ING5: variants seen among roughly 807,000 people sequenced by gnomAD.
The protein encoded by ING5 is inhibitor of growth protein 5.
In ING5, 17 loss-of-function variants were observed where a neutral mutation model predicts 37.4. The observed-to-expected ratio is 0.45, with a 90% confidence interval of 0.31 to 0.68. The LOEUF is 0.68. Ranked by LOEUF, ING5 falls within the 30% of genes least tolerant of loss-of-function variation. The pLI, the probability that ING5 is intolerant of heterozygous loss-of-function variation, is 0.05. For missense variants in ING5, 233 were observed against 311.9 expected, an observed-to-expected ratio of 0.75 and a Z score of 1.91; for synonymous variants, 123 against 116.6, an observed-to-expected ratio of 1.06 and a Z score of -0.36.
At chr2:241,713,822 C>G (rs1192160555) in intron 5 of ING5, among the ~76,000 whole-genome samples, 1 of 151,986 alleles carries the variant, frequency 6.6e-6, no homozygotes, top group Non-Finnish European at 1.5e-5. Context: ...AACCCCGTCT[C>G]TACCAAAAAT....
intron 7 of ING5, chr2:241,724,026 A>C (rs916411558): frequency 1.4e-6 from 2 of 1,391,896 alleles, no homozygotes; most frequent in Non-Finnish European, 1.9e-6. Context: ...ATAAATAAAA[A>C]GATAAAAACC....
exon 2 of ING5, chr2:241,690,055 C>G (rs2069526944): frequency 6.6e-6 from 1 of 152,132 alleles, no homozygotes; most frequent in South Asian, 2.1e-4. Context: ...CAGGCTGATG[C>G]AGAGGGACAC....
chr2:241,699,209 G>T (rs973483296), upstream of ING5, among the ~76,000 whole-genome samples: 16 of 150,300 alleles, frequency 1.1e-4, no homozygotes, highest in Admixed American at 7.4e-4. Flanking sequence ...ATTTTTAGTA[G>T]AGACTGGGTT....
In ING5 at chr2:241,709,289, CGT is replaced by C. The variant is rs2070029419; in HGVS notation, c.185_186del (p.Val62GlyfsTer18). ...TVKTLSPDQR[V>X]ERLQKIQNAY... Reference sequence around the variant, plus strand: ...TGAAGACGCTGTCTCCAGACCAGCGCGTGGAGCGCCTGCAGAAGATCCAGAAC... The same window carrying C: ...TGAAGACGCTGTCTCCAGACCAGCGCGGAGCGCCTGCAGAAGATCCAGAAC... On this transcript the variant is annotated frameshift_variant, in exon 3 of 8. Transcript: ENST00000313552. LOFTEE classifies it high-confidence loss of function. The C allele has an allele frequency of 6.2e-7, 1 of 1,614,108 alleles. No homozygotes were observed. The highest frequency in any genetic ancestry group is 8.5e-7 in the Non-Finnish European group (1 of 1,180,008).
chr2:241,689,023 G>A lies in ING5; in HGVS notation c.-773-815G>A, dbSNP rs565767468. Among the ~76,000 whole-genome samples, 98 of 152,068 alleles carry A rather than the reference G, an allele frequency of 6.4e-4. 1 individual carries two copies. The highest frequency in any genetic ancestry group is 2.0e-3 in the African/African-American group (85 of 41,470). ...TCACCGTGTTAGCCAGGATGGTCTC[G>A]ATCTCCTGACCTCATGATCCGCCCA... On this transcript the variant is annotated intron_variant, in intron 1 of 7. Transcript: ENST00000636051.
chr2:241,700,589 G>A (rs550797861), upstream of ING5, among the ~76,000 whole-genome samples: 1 of 152,070 alleles, frequency 6.6e-6, no homozygotes, highest in East Asian at 1.9e-4. Context: ...CCGAGTATCT[G>A]GGATTACAGG....
At chr2:241,708,289 G>A (rs2069988178) in intron 2 of ING5, among the ~76,000 whole-genome samples, 1 of 149,352 alleles carries the variant, frequency 6.7e-6, no homozygotes, top group South Asian at 2.1e-4. Flanking sequence ...CTTTCTTCAA[G>A]CCCCGCCTCC....
At chr2:241,699,249 T>C (rs2069678676), upstream of ING5, among the ~76,000 whole-genome samples, 1 of 151,684 alleles carries the variant, frequency 6.6e-6, no homozygotes, top group Non-Finnish European at 1.5e-5. Context: ...GGTCTCAAAC[T>C]CCTGACCTCA....
At chr2:241,724,084 C>G in intron 7 of ING5, 1 of 1,348,550 alleles carries the variant, frequency 7.4e-7, no homozygotes. Flanking sequence ...TATCTATGTT[C>G]TGAAAATGAA....
chr2:241,691,997 A>G (rs775666133), intron 2 of ING5, among the ~76,000 whole-genome samples: 9 of 152,090 alleles, frequency 5.9e-5, no homozygotes, highest in Admixed American at 1.3e-4. Flanking sequence ...GCAGTGAGCC[A>G]TGGTTGCGCC....
intron 5 of ING5, chr2:241,720,736 T>G: frequency 1.0e-6 from 1 of 985,470 alleles, no homozygotes; most frequent in Non-Finnish European, 1.2e-6. Context: ...GGGTGCCTCT[T>G]GTGGCAGTGG....
chr2:241,721,765 A>G, intron 5 of ING5: 5 of 985,456 alleles, frequency 5.1e-6, no homozygotes, highest in Non-Finnish European at 6.0e-6. Flanking sequence ...TTGTAAGTTT[A>G]TTTGAAAAAT....
At chr2:241,691,006 A>C (rs530304089) in intron 2 of ING5, among the ~76,000 whole-genome samples, 9 of 151,184 alleles carry the variant, frequency 6.0e-5, no homozygotes, top group Admixed American at 2.6e-4. Flanking sequence ...ACAGGATTTC[A>C]CCATGTTGGC....
intron 3 of ING5, 33 bp from the exon 4 acceptor site, chr2:241,711,344 C>CT: frequency 7.0e-7 from 1 of 1,436,072 alleles, no homozygotes; most frequent in Non-Finnish European, 9.2e-7. Context: ...TTTGGTTTTA[C>CT]TTTAAAATAA....
intron 5 of ING5, among the ~76,000 whole-genome samples, chr2:241,713,422 G>A (rs2070179624): frequency 7.0e-6 from 1 of 142,930 alleles, no homozygotes; most frequent in African/African-American, 2.6e-5. Context: ...TCAGGCTGGA[G>A]TGTGGTGGCG....
intron 2 of ING5, 128 bp from the exon 3 acceptor site, chr2:241,709,088 C>A: frequency 1.0e-6 from 1 of 992,218 alleles, no homozygotes; most frequent in African/African-American, 1.6e-5. Flanking sequence ...CCCACCAGCA[C>A]AGCGTGAGTT....
At chr2:241,705,687 T>C (rs1226392910) in intron 2 of ING5, among the ~76,000 whole-genome samples, 1 of 152,220 alleles carries the variant, frequency 6.6e-6, no homozygotes, top group African/African-American at 2.4e-5. Flanking sequence ...ATTACAGGCA[T>C]GAGCCACCGC....
intron 2 of ING5, among the ~76,000 whole-genome samples, chr2:241,705,600 T>C (rs1417728298): frequency 1.3e-5 from 2 of 148,756 alleles, no homozygotes; most frequent in Non-Finnish European, 3.0e-5. Context: ...GGTTTCACCA[T>C]GTTCACCATG....
At position 241,712,112 on chromosome 2, in the gene ING5, C is replaced by T. The variant is rs777336885; in HGVS notation, c.482+41C>T. Reference sequence around the variant, plus strand: ...CTCTTTTTCCCAAAAGAACGAATACCCATAGCCTGTATCCCGGATGTAGGA... The same window carrying T: ...CTCTTTTTCCCAAAAGAACGAATACTCATAGCCTGTATCCCGGATGTAGGA... On this transcript the variant is annotated intron_variant, in intron 5 of 7. Coordinates refer to ENST00000313552, the MANE Select transcript of ING5 (RefSeq NM_032329.6). 6.9e-6 allele frequency: 10 copies of T among 1,449,158 alleles called. No homozygotes were observed. The South Asian group carries it at 1.1e-4, about 16-fold the overall frequency. The allele number at this position is 1,449,158 out of a possible 1,614,324, so 89.8% of individuals were successfully genotyped here.
Sources: gnomAD v4.1 joint callset for allele counts (sites outside exome capture counted in the v4.1 genomes callset) on GRCh38, gnomAD v4.1.1 for gene constraint, MANE v1.5 for transcripts, NCBI Gene and HGNC (gene_info 2026-07-23, HGNC 2026-07-21) for gene names.